The following POLQ variants were observed in gnomAD, a reference collection of about 807,000 sequenced individuals.
The protein encoded by POLQ is DNA polymerase theta.
In POLQ, 233 loss-of-function variants were observed where a neutral mutation model predicts 259.2. The observed-to-expected ratio is 0.90, with a 90% CI of 0.81 to 1.00. The LOEUF (loss-of-function observed/expected upper bound fraction) is 1.00. Among genes scored for constraint, POLQ ranks in the 50% least tolerant of loss-of-function variants. POLQ has a pLI of 0.00. For missense variants in POLQ, 2,871 were observed against 3,051.6 expected, an observed-to-expected ratio of 0.94 and a Z score of 1.39; for synonymous variants, 1,025 against 1,048.8, an observed-to-expected ratio of 0.98 and a Z score of 0.44.
intron 14 of POLQ, chr3:121,494,669 G>A: frequency 1.9e-6 from 3 of 1,570,202 alleles, no homozygotes; most frequent in Admixed American, 1.7e-5. Context: ...CAAGGGGAAG[G>A]CAAGACTGGG....
At chr3:121,509,795 C>G in intron 11 of POLQ, 92 bp from the exon 12 acceptor site, 1 of 1,279,874 alleles carries the variant, frequency 7.8e-7, no homozygotes. Flanking sequence ...TGCTAACCCT[C>G]CCGGCTGATA....
intron 26 of POLQ, among the ~76,000 whole-genome samples, chr3:121,441,397 C>T (rs1242024870): frequency 1.3e-5 from 2 of 152,188 alleles, no homozygotes; most frequent in African/African-American, 4.8e-5. Context: ...CAGTCAGGCC[C>T]CATGATCACC....
At chr3:121,528,348 T>G (rs2048387315) in intron 7 of POLQ, among the ~76,000 whole-genome samples, 1 of 151,472 alleles carries the variant, frequency 6.6e-6, no homozygotes, top group Non-Finnish European at 1.5e-5. Context: ...ATTTTAATTT[T>G]TTTTTTTTTT....
chr3:121,457,422 G>T (rs2047751252), intron 25 of POLQ, among the ~76,000 whole-genome samples: 1 of 152,162 alleles, frequency 6.6e-6, no homozygotes, highest in Non-Finnish European at 1.5e-5. Flanking sequence ...CACAGCAAAA[G>T]AAGCTACCAT....
Position 121,489,846 on chromosome 3 carries a change from T to C in POLQ, c.3085A>G (p.Asn1029Asp). ...FSQKTKKAPL[N>D]FNSEKMSRSF... ...CTGCTCATCTTTTCTGAATTGAAAT[T>C]CAAAGGTGCCTTTTTTGTTTTCTGT... The change falls in exon 16 of 30, where the codon AAT becomes GAT. Residue 1029 changes from asparagine (N) to aspartate (D), a missense_variant. Physicochemically the swap from Asn to Asp is conservative, Grantham distance 23. Coordinates refer to ENST00000264233, the MANE Select transcript of POLQ (RefSeq NM_199420.4). 6.2e-7 allele frequency: 1 copy of C among 1,610,598 alleles called. No homozygotes were observed.
In POLQ at chr3:121,487,420, G is replaced by A; in HGVS notation, c.5511C>T (p.Phe1837=). The A allele has an allele frequency of 6.2e-7, 1 of 1,614,068 alleles. No individual in the cohort carries two copies. Residue 1837 remains phenylalanine (F), a synonymous_variant, in exon 16 of 30, where the codon TTC becomes TTT. Transcript: ENST00000264233. Reference sequence around the variant, plus strand: ...ACCGCCACTCCTTAATGAATGTTTGGAAAAGATTTTGGTCACTTGCTACAT... The same window carrying A: ...ACCGCCACTCCTTAATGAATGTTTGAAAAAGATTTTGGTCACTTGCTACAT... ...IIDVASDQNL[F]QTFIKEWRCK... is the part of the protein sequence containing the mutation.
chr3:121,521,754 A>C lies in POLQ; in HGVS notation c.1255+249T>G, dbSNP rs1327200711. 3 of 199,442 alleles carry C rather than the reference A, an allele frequency of 1.5e-5. No homozygotes were observed. The East Asian group carries it at 3.5e-4, about 23-fold the overall frequency. 12.4% of individuals were successfully genotyped at this position (199,442 alleles called of 1,614,324 possible). A position where few individuals can be genotyped will look rare whatever the true frequency, so the allele number is the denominator to read the frequency against. ...CCCAGCTGATTTTTGTATTTTTAGT[A>C]GAGATGGGGTTTCACCATGTTGGCC... On this transcript the variant is annotated intron_variant, in intron 8 of 29. Coordinates refer to ENST00000264233, the MANE Select transcript of POLQ (RefSeq NM_199420.4).
intron 7 of POLQ, among the ~76,000 whole-genome samples, chr3:121,523,493 G>C (rs11714746): frequency 0.69 from 105,056 of 151,944 alleles, 36,508 homozygotes; most frequent in East Asian, 0.89. Flanking sequence ...GGGCAGATCA[G>C]TTGAATCCAG....
At chr3:121,450,949 T>C (rs1351315536) in intron 25 of POLQ, among the ~76,000 whole-genome samples, 1 of 152,064 alleles carries the variant, frequency 6.6e-6, no homozygotes, top group African/African-American at 2.4e-5. Context: ...ATTTGGTCTT[T>C]TCACATAGTC....
At chr3:121,513,605 A>C (rs1378913300) in intron 9 of POLQ, among the ~76,000 whole-genome samples, 1 of 136,162 alleles carries the variant, frequency 7.3e-6, no homozygotes, top group Non-Finnish European at 1.7e-5. Context: ...TATCTCAAAA[A>C]AAAAAAAAAA....
chr3:121,451,274 G>T (rs6438631), intron 25 of POLQ, among the ~76,000 whole-genome samples: 96,043 of 152,070 alleles, frequency 0.63, 30,713 homozygotes, highest in East Asian at 0.88. Flanking sequence ...GTCTGAGGCC[G>T]CCTTCTCTCA....
chr3:121,509,837 G>T, intron 11 of POLQ, 134 bp from the exon 12 acceptor site: 1 of 914,746 alleles, frequency 1.1e-6, no homozygotes, highest in Non-Finnish European at 1.7e-6. Context: ...TCCAGAGCAT[G>T]AAAATGTATG....
At chr3:121,476,455 T>TACACACACACACAC in intron 20 of POLQ, 85 bp downstream of exon 20, 1 of 726,918 alleles carries the variant, frequency 1.4e-6, no homozygotes, top group African/African-American at 1.9e-5. Flanking sequence ...TTCAGGTAAA[T>TACACACACACACAC]ACACACACAC....
rs2048486222 is a variant in POLQ, at chr3:121,541,101, G to C, written c.474+248C>G. On this transcript the variant is annotated intron_variant, in intron 3 of 29. Coordinates refer to ENST00000264233, the MANE Select transcript of POLQ (RefSeq NM_199420.4). ...TCCCCATGTTGGCCAGGCTGGTCTC[G>C]ATCTCCTGACCTCAGATGATCCGCC... Among the ~76,000 whole-genome samples the C allele has an allele frequency of 2.0e-5, 3 of 152,038 alleles. No homozygotes were observed. The South Asian group carries it at 6.2e-4, about 32-fold the overall frequency.
chr3:121,520,123 C>T lies in POLQ; in HGVS notation c.1256-40G>A, dbSNP rs184975944. ...TTTTTATATATTTATTGATATATAA[C>T]GAAAATATTATACGTGTTCACTTAC... On this transcript the variant is annotated intron_variant, in intron 8 of 29. Transcript: ENST00000264233. The T allele has an allele frequency of 1.0e-3, 1,153 of 1,143,914 alleles. 1 individual carries two copies. Among genetic ancestry groups the T allele is most frequent in the African/African-American group, 6.0e-3 (383 of 63,932 alleles). 70.9% of individuals were successfully genotyped at this position (1,143,914 alleles called of 1,614,324 possible).
In POLQ at chr3:121,458,361, T is replaced by C. The variant is rs202099809; in HGVS notation, c.7152+1689A>G. On this transcript the variant is annotated intron_variant, in intron 25 of 29. Transcript: ENST00000264233. ...GTAACTAACCTGCACATTGTGCACA[T>C]GTACCCTAAAACTTAAAGTATAATA... Among the ~76,000 whole-genome samples, 11 of 151,878 alleles carry C rather than the reference T, an allele frequency of 7.2e-5. No individual in the cohort carries two copies. The East Asian group carries it at 2.1e-3, about 29-fold the overall frequency.
intron 24 of POLQ, among the ~76,000 whole-genome samples, chr3:121,465,933 G>C (rs1370583849): frequency 6.6e-6 from 1 of 152,144 alleles, no homozygotes; most frequent in Non-Finnish European, 1.5e-5. Flanking sequence ...CAAAAAGCTA[G>C]AAACGATTAA....
At chr3:121,513,590 G>C (rs2048271609) in intron 9 of POLQ, among the ~76,000 whole-genome samples, 1 of 100,234 alleles carries the variant, frequency 1.0e-5, no homozygotes, top group African/African-American at 4.1e-5. Context: ...AACAGAGAGA[G>C]ACTCTATCTC....
intron 14 of POLQ, chr3:121,495,053 T>C (rs1192536568): frequency 1.2e-5 from 6 of 493,580 alleles, no homozygotes; most frequent in African/African-American, 9.7e-5. Flanking sequence ...GAGCAGATCA[T>C]CTGAGGTCAG....
Sources: gnomAD v4.1 joint callset for allele counts (sites outside exome capture counted in the v4.1 genomes callset) on GRCh38, gnomAD v4.1.1 for gene constraint, MANE v1.5 for transcripts, NCBI Gene and HGNC (gene_info 2026-07-23, HGNC 2026-07-21) for gene names.